Variants in RGPD2 observed in about 807,000 individuals in gnomAD.
RGPD2 encodes the protein RANBP2 like and GRIP domain containing 2.
In RGPD2, 2 loss-of-function variants were observed where a neutral mutation model predicts 36.0. The observed-to-expected ratio is 0.06, with a 90% CI of 0.02 to 0.17. RGPD2 has a LOEUF of 0.17. Ranked by LOEUF, RGPD2 falls within the 10% of genes least tolerant of loss-of-function variation. The pLI, the probability that RGPD2 is intolerant of heterozygous loss-of-function variation, is 1.00. For missense variants in RGPD2, 40 were observed against 464.3 expected (o/e 0.09, Z 8.40); for synonymous variants, 19 against 163.8 (o/e 0.12, Z 6.75).
chr2:87,978,918 T>TAAAA, the RGPD2 span, among the ~76,000 whole-genome samples: 1 of 129,854 alleles, frequency 7.7e-6, no homozygotes, highest in Admixed American at 7.5e-5. Flanking sequence ...CCCCGTCTCT[T>TAAAA]AAAAAAAAAA....
the RGPD2 span, among the ~76,000 whole-genome samples, chr2:87,980,149 G>A: frequency 1.1e-4 from 17 of 151,500 alleles, no homozygotes; most frequent in South Asian, 2.1e-4. Context: ...TCAGGAGTTC[G>A]AGACCAGCCT....
chr2:87,883,110 A>G, the RGPD2 span, among the ~76,000 whole-genome samples: 1 of 152,224 alleles, frequency 6.6e-6, no homozygotes, highest in African/African-American at 2.4e-5. Context: ...TTAAAAACAA[A>G]GCAACAATAA....
the RGPD2 span, among the ~76,000 whole-genome samples, chr2:87,852,925 T>A: frequency 6.6e-6 from 1 of 152,116 alleles, no homozygotes; most frequent in African/African-American, 2.4e-5. Flanking sequence ...TCTGATTCCC[T>A]CATCTAGAAT....
At chr2:87,927,545 TAAG>T in the RGPD2 span, among the ~76,000 whole-genome samples, 3 of 151,390 alleles carry the variant, frequency 2.0e-5, no homozygotes, top group Non-Finnish European at 4.4e-5. Flanking sequence ...ACAGAACAAC[TAAG>T]AAGTGTCCTT....
the RGPD2 span, among the ~76,000 whole-genome samples, chr2:87,892,360 G>T: frequency 1.3e-5 from 2 of 151,894 alleles, no homozygotes; most frequent in South Asian, 4.1e-4. Flanking sequence ...TCCTGGACTG[G>T]TAGTGCCCTG....
the RGPD2 span, among the ~76,000 whole-genome samples, chr2:87,909,254 A>G: frequency 1.3e-5 from 2 of 151,140 alleles, no homozygotes; most frequent in African/African-American, 4.9e-5. Flanking sequence ...TGCGTCAGCA[A>G]TTGCTGAAAA....
chr2:87,984,431 T>G, the RGPD2 span, among the ~76,000 whole-genome samples: 20 of 151,560 alleles, frequency 1.3e-4, no homozygotes, highest in Admixed American at 2.6e-4. Flanking sequence ...ATTGGTTAAT[T>G]ATGATAAAAC....
chr2:87,872,589 C>T, the RGPD2 span, among the ~76,000 whole-genome samples: 21 of 149,760 alleles, frequency 1.4e-4, no homozygotes, highest in African/African-American at 5.0e-4. Flanking sequence ...AAACATGTGC[C>T]ATTGTGGTTT....
the RGPD2 span, among the ~76,000 whole-genome samples, chr2:87,943,417 G>T: frequency 6.6e-6 from 1 of 151,844 alleles, no homozygotes; most frequent in African/African-American, 2.4e-5. Flanking sequence ...TATCTATTCA[G>T]ACTCTTTGCC....
At chr2:87,912,334 A>G in the RGPD2 span, among the ~76,000 whole-genome samples, 1 of 151,924 alleles carries the variant, frequency 6.6e-6, no homozygotes, top group East Asian at 1.9e-4. Flanking sequence ...AATGGACTTC[A>G]CACTTCTTTC....
chr2:87,857,300 T>A, the RGPD2 span, among the ~76,000 whole-genome samples: 1 of 150,434 alleles, frequency 6.6e-6, no homozygotes, highest in African/African-American at 2.5e-5. Context: ...AATGTTTAAT[T>A]TAAAAATTCA....
At chr2:87,923,341 T>C in the RGPD2 span, among the ~76,000 whole-genome samples, 1 of 151,992 alleles carries the variant, frequency 6.6e-6, no homozygotes, top group Non-Finnish European at 1.5e-5. Flanking sequence ...TTGAGCACAA[T>C]TGAATGCATT....
At chr2:87,974,804 A>G in the RGPD2 span, among the ~76,000 whole-genome samples, 1 of 152,154 alleles carries the variant, frequency 6.6e-6, no homozygotes, top group Non-Finnish European at 1.5e-5. Context: ...CACCAATCAA[A>G]CCATATCCAC....
intron 20 of RGPD2, among the ~76,000 whole-genome samples, chr2:87,781,414 CA>C (rs951304685): frequency 6.5e-5 from 8 of 123,248 alleles, no homozygotes; most frequent in African/African-American, 2.5e-4. Flanking sequence ...GACTGACATA[CA>C]ACACATAAAA....
chr2:87,905,212 G>A, the RGPD2 span, among the ~76,000 whole-genome samples: 15 of 152,370 alleles, frequency 9.8e-5, no homozygotes, highest in East Asian at 3.9e-4. Context: ...AGGTGCAGCC[G>A]CATTTCAGTG....
chr2:87,933,698 C>T, the RGPD2 span, among the ~76,000 whole-genome samples: 18 of 149,600 alleles, frequency 1.2e-4, no homozygotes, highest in Non-Finnish European at 2.2e-4. Flanking sequence ...CTTTCCTCCA[C>T]TTTGTCTTTT....
chr2:87,759,008 T>C (rs1465970521), intron 22 of RGPD2, among the ~76,000 whole-genome samples: 2 of 145,178 alleles, frequency 1.4e-5, no homozygotes, highest in Admixed American at 1.4e-4. Flanking sequence ...GATCCCAGAA[T>C]TAACCTGATT....
chr2:87,825,709 G>C lies in RGPD2; in HGVS notation c.21C>G (p.Tyr7Ter). Residue 7 changes from tyrosine to a stop codon, truncating the protein, a stop_gained, in exon 1 of 23, where the codon TAC (tyrosine) becomes TAG (stop). Coordinates refer to ENST00000398146, the MANE Select transcript of RGPD2 (RefSeq NM_001078170.3). LOFTEE classifies it high-confidence loss of function. The stretch of plus-strand genomic sequence containing the variant: ...GCACCGAGGCGAGGTACCGCTCCCC[G>C]TAGGCTTTGCTGCGCCTCATCGCAC... The part of the protein sequence containing the change: MRRSKA[Y>*]GERYLASVQG... 1 of 1,602,138 alleles carries C rather than the reference G, an allele frequency of 6.2e-7. No homozygotes were observed.
chr2:87,911,510 G>T, the RGPD2 span, among the ~76,000 whole-genome samples: 1 of 152,010 alleles, frequency 6.6e-6, no homozygotes, highest in African/African-American at 2.4e-5. Flanking sequence ...AAGATGGAAT[G>T]TATAATTTCT....
Sources: gnomAD v4.1 joint callset for allele counts (sites outside exome capture counted in the v4.1 genomes callset) on GRCh38, gnomAD v4.1.1 for gene constraint, MANE v1.5 for transcripts, NCBI Gene and HGNC (gene_info 2026-07-23, HGNC 2026-07-21) for gene names.